The following RAB10 variants were observed in gnomAD, a reference collection of about 807,000 sequenced individuals.
The protein encoded by RAB10 is ras-related protein Rab-10.
RAB10 carries 5 observed loss-of-function variants against 25.7 expected under a neutral mutation model. That is an observed-to-expected ratio of 0.19 (90% CI 0.10 to 0.41). The LOEUF is 0.41. RAB10 is among the 10% of genes least tolerant of loss of function. The probability of loss-of-function intolerance (pLI) is 1.00; values close to 1 mark genes in which losing one functional copy is unlikely to be tolerated. For missense variants in RAB10, 103 were observed against 245.8 expected (o/e 0.42, Z 3.89); for synonymous variants, 89 against 86.4 (o/e 1.03, Z -0.16).
chr2:26,092,612 G>C (rs1156966744), intron 1 of RAB10, among the ~76,000 whole-genome samples: 2 of 152,122 alleles, frequency 1.3e-5, no homozygotes, highest in Non-Finnish European at 2.9e-5. Context: ...GTAGGTACCT[G>C]AAAACAGCCC....
chr2:26,123,040 T>TAA (rs1667837967), intron 3 of RAB10, among the ~76,000 whole-genome samples: 1 of 152,208 alleles, frequency 6.6e-6, no homozygotes, highest in African/African-American at 2.4e-5. Context: ...CCCTTACGTA[T>TAA]AAAGTTGCTA....
At chr2:26,102,743 G>A (rs1030174050) in intron 2 of RAB10, among the ~76,000 whole-genome samples, 1 of 152,168 alleles carries the variant, frequency 6.6e-6, no homozygotes, top group Admixed American at 6.5e-5. Context: ...TGGCCAGGCT[G>A]TGATTTTCTT....
At chr2:26,048,854 A>ACT (rs1416737038) in intron 1 of RAB10, among the ~76,000 whole-genome samples, 16 of 151,958 alleles carry the variant, frequency 1.1e-4, no homozygotes, top group African/African-American at 3.9e-4. Context: ...CGACAGTGAG[A>ACT]CTCTATCTCA....
At chr2:26,109,175 G>T (rs964649386) in intron 2 of RAB10, among the ~76,000 whole-genome samples, 6 of 152,068 alleles carry the variant, frequency 3.9e-5, no homozygotes, top group Non-Finnish European at 7.4e-5. Flanking sequence ...CTCCCGAAGG[G>T]CTGGGATTAC....
chr2:26,069,921 G>C (rs181203551), intron 1 of RAB10, among the ~76,000 whole-genome samples: 1 of 152,172 alleles, frequency 6.6e-6, no homozygotes, highest in African/African-American at 2.4e-5. Flanking sequence ...TGGCCAGGCT[G>C]CTCTCGAGCT....
intron 5 of RAB10, among the ~76,000 whole-genome samples, chr2:26,131,294 C>G (rs1668008918): frequency 6.6e-6 from 1 of 152,074 alleles, no homozygotes; most frequent in Admixed American, 6.5e-5. Context: ...AAATCACACA[C>G]AACAAATCTC....
chr2:26,037,770 AG>A (rs1219334905), intron 1 of RAB10, among the ~76,000 whole-genome samples: 1 of 152,188 alleles, frequency 6.6e-6, no homozygotes, highest in African/African-American at 2.4e-5. Context: ...AGTGCATATT[AG>A]CTATATATAG....
Position 26,135,195 on chromosome 2 carries a change from T to C in RAB10, c.*174T>C. ...CTGTGACTGCTTGCTGACTTTATCATAATTTTCTTCAAACAAAAAAATGTA... is the reference window on the plus strand; with the variant it reads ...CTGTGACTGCTTGCTGACTTTATCACAATTTTCTTCAAACAAAAAAATGTA... On this transcript the variant is annotated 3_prime_UTR_variant, in exon 6 of 6. Transcript: ENST00000264710. The C allele has an allele frequency of 7.7e-6, 4 of 518,640 alleles. No homozygotes were observed. The South Asian group carries it at 1.4e-4, about 18-fold the overall frequency. 32.1% of individuals were successfully genotyped at this position (518,640 alleles called of 1,614,324 possible).
chr2:26,113,651 A>G (rs532016667), intron 3 of RAB10, among the ~76,000 whole-genome samples: 2 of 151,486 alleles, frequency 1.3e-5, no homozygotes, highest in Admixed American at 6.6e-5. Flanking sequence ...TACCACAGCT[A>G]TTATTGTACC....
chr2:26,053,451 C>T lies in RAB10; in HGVS notation c.127+18716C>T, dbSNP rs541195830. Among the ~76,000 whole-genome samples the T allele has an allele frequency of 2.0e-5, 3 of 152,240 alleles. No individual in the cohort carries two copies. In the East Asian group the frequency reaches 5.8e-4, roughly 29 times the overall value. ...TAGTCTTAAATTTCAATCTTATGCT[C>T]TTGATGGATACTATTTTATAGAATA... On this transcript the variant is annotated intron_variant, in intron 1 of 5. Coordinates refer to ENST00000264710, the MANE Select transcript of RAB10 (RefSeq NM_016131.5).
In RAB10 at chr2:26,132,751, C is replaced by T. The variant is rs547927642; in HGVS notation, c.520-2187C>T. 5.0e-4 allele frequency among the ~76,000 whole-genome samples: 72 copies of T among 143,346 alleles called. 2 individuals are homozygous for T. In the South Asian group the frequency reaches 0.014, roughly 27 times the overall value. The allele number at this position is 143,346 out of a possible 152,430, so 94.0% of individuals were successfully genotyped here. On this transcript the variant is annotated intron_variant, in intron 5 of 5. Coordinates refer to ENST00000264710, the MANE Select transcript of RAB10 (RefSeq NM_016131.5). ...ATTTTGGCTGTAAAAGATTTTGCTCCGCAAGAGATACCCCCCCCCCTTTTT... is the reference window on the plus strand; with the variant it reads ...ATTTTGGCTGTAAAAGATTTTGCTCTGCAAGAGATACCCCCCCCCCTTTTT...
At chr2:26,045,591 C>T (rs535933511) in intron 1 of RAB10, among the ~76,000 whole-genome samples, 21 of 152,094 alleles carry the variant, frequency 1.4e-4, no homozygotes, top group Non-Finnish European at 2.5e-4. Flanking sequence ...TTGTGAAGAA[C>T]GAAGGAGTAG....
At chr2:26,049,896 C>T (rs1666097694) in intron 1 of RAB10, among the ~76,000 whole-genome samples, 1 of 152,120 alleles carries the variant, frequency 6.6e-6, no homozygotes, top group Non-Finnish European at 1.5e-5. Flanking sequence ...CTCCAGCAAC[C>T]TCTCAAAATG....
chr2:26,095,652 C>G (rs919151821), intron 1 of RAB10, among the ~76,000 whole-genome samples: 4 of 151,820 alleles, frequency 2.6e-5, no homozygotes, highest in African/African-American at 7.3e-5. Flanking sequence ...GGCTCACGCC[C>G]GTAATCCTGA....
intron 1 of RAB10, among the ~76,000 whole-genome samples, chr2:26,062,584 A>T (rs1339750310): frequency 1.3e-5 from 2 of 152,120 alleles, no homozygotes; most frequent in Non-Finnish European, 2.9e-5. Context: ...AGGCTGAGGC[A>T]CGAGAATTGC....
At chr2:26,098,129 TTTTTTTTTGA>T (rs1667266354) in intron 1 of RAB10, among the ~76,000 whole-genome samples, 4 of 136,004 alleles carry the variant, frequency 2.9e-5, no homozygotes, top group African/African-American at 8.2e-5. Flanking sequence ...TTTTTTTTTT[TTTTTTTTTGA>T]GACATGGTCT....
intron 1 of RAB10, among the ~76,000 whole-genome samples, chr2:26,059,113 T>A (rs1260734384): frequency 6.6e-6 from 1 of 152,226 alleles, no homozygotes; most frequent in Non-Finnish European, 1.5e-5. Flanking sequence ...CAGTTCCTTG[T>A]ATATAGTAGG....
intron 1 of RAB10, among the ~76,000 whole-genome samples, chr2:26,040,892 G>A (rs1429376678): frequency 3.3e-5 from 5 of 152,070 alleles, no homozygotes; most frequent in South Asian, 4.1e-4. Flanking sequence ...TCATACATCC[G>A]TATTAGAAAT....
intron 1 of RAB10, among the ~76,000 whole-genome samples, chr2:26,053,039 A>G (rs565065492): frequency 6.6e-6 from 1 of 152,136 alleles, no homozygotes; most frequent in Non-Finnish European, 1.5e-5. Flanking sequence ...ATTGAAATGG[A>G]GGAAAAGTTT....
Sources: gnomAD v4.1 joint callset for allele counts (sites outside exome capture counted in the v4.1 genomes callset) on GRCh38, gnomAD v4.1.1 for gene constraint, MANE v1.5 for transcripts, NCBI Gene and HGNC (gene_info 2026-07-23, HGNC 2026-07-21) for gene names.